Variants in MAPKAP1 observed in about 807,000 individuals in gnomAD.
MAPKAP1 encodes target of rapamycin complex 2 subunit MAPKAP1.
Under a neutral mutation model 65.7 loss-of-function variants are expected in MAPKAP1, and 20 were observed. The ratio of observed to expected loss-of-function variants is 0.30; its 90% CI spans 0.21 to 0.44. The LOEUF (loss-of-function observed/expected upper bound fraction) is 0.44, where lower values mean the gene tolerates loss of function less well. Among genes scored for constraint, MAPKAP1 ranks in the 20% least tolerant of loss-of-function variants. The pLI is 1.00. For synonymous variants in MAPKAP1, 222 were observed against 244.3 expected, an observed-to-expected ratio of 0.91 and a Z score of 0.85; for missense variants, 423 against 648.0, an observed-to-expected ratio of 0.65 and a Z score of 3.77.
chr9:125,473,554 T>C (rs1854002234), intron 9 of MAPKAP1, among the ~76,000 whole-genome samples: 1 of 152,228 alleles, frequency 6.6e-6, no homozygotes, highest in Admixed American at 6.5e-5. Flanking sequence ...AACGCAACTC[T>C]AATGTGTATA....
intron 9 of MAPKAP1, among the ~76,000 whole-genome samples, chr9:125,480,196 G>A (rs913959119): frequency 6.6e-6 from 1 of 152,152 alleles, no homozygotes; most frequent in African/African-American, 2.4e-5. Flanking sequence ...ATCTACGTGG[G>A]ATGGGAAAAT....
intron 10 of MAPKAP1, among the ~76,000 whole-genome samples, chr9:125,466,503 T>C (rs1853684020): frequency 6.6e-6 from 1 of 152,210 alleles, no homozygotes; most frequent in Non-Finnish European, 1.5e-5. Flanking sequence ...CTCAGAGACA[T>C]GGAGAATTTA....
intron 6 of MAPKAP1, among the ~76,000 whole-genome samples, chr9:125,549,800 G>A (rs550104354): frequency 7.2e-5 from 11 of 152,312 alleles, no homozygotes; most frequent in African/African-American, 2.6e-4. Context: ...GCCAGTAAGA[G>A]AGACAGCTAA....
intron 4 of MAPKAP1, chr9:125,652,275 T>A (rs1169163089): frequency 1.6e-6 from 2 of 1,217,624 alleles, no homozygotes; most frequent in Admixed American, 2.4e-5. Flanking sequence ...AAGAGCAGCA[T>A]GCAAAAATGT....
At chr9:125,666,367 G>A (rs1268820483) in intron 3 of MAPKAP1, among the ~76,000 whole-genome samples, 1 of 152,192 alleles carries the variant, frequency 6.6e-6, no homozygotes, top group Non-Finnish European at 1.5e-5. Context: ...ACTGGATGTT[G>A]ACAGAATAAT....
intron 10 of MAPKAP1, among the ~76,000 whole-genome samples, chr9:125,453,751 G>A (rs1446607432): frequency 6.6e-6 from 1 of 152,124 alleles, no homozygotes; most frequent in Non-Finnish European, 1.5e-5. Context: ...ACTGAGTTAT[G>A]CAGATTTTCC....
intron 4 of MAPKAP1, chr9:125,596,359 A>G: frequency 1.3e-6 from 1 of 787,368 alleles, no homozygotes; most frequent in South Asian, 1.3e-5. Flanking sequence ...GGTGGCAACC[A>G]TGGTGGTGGT....
chr9:125,460,078 T>G (rs1303521774), intron 10 of MAPKAP1, among the ~76,000 whole-genome samples: 1 of 152,176 alleles, frequency 6.6e-6, no homozygotes, highest in African/African-American at 2.4e-5. Context: ...ACACAGAATT[T>G]TTCAGTAGGG....
Position 125,657,801 on chromosome 9 carries a change from TG to T in MAPKAP1, c.350-3del. The T allele has an allele frequency of 1.9e-6, 3 of 1,611,800 alleles. No individual in the cohort carries two copies. Among genetic ancestry groups the T allele is most frequent in the Non-Finnish European group, 2.5e-6 (3 of 1,179,314 alleles). On this transcript the variant is annotated splice_polypyrimidine_tract_variant and splice_region_variant and intron_variant, in intron 3 of 11. Coordinates refer to ENST00000265960, the MANE Select transcript of MAPKAP1 (RefSeq NM_001006617.3). ...CAAACAGTGACTTTAACTCCTGGGC[TG>T]TGATACAAGAGGAAGAAAAACATCT...
chr9:125,504,376 C>T (rs897195719), intron 8 of MAPKAP1, among the ~76,000 whole-genome samples: 18 of 152,170 alleles, frequency 1.2e-4, no homozygotes, highest in African/African-American at 4.3e-4. Context: ...GGGACAGTAA[C>T]CTTCTGCCTT....
At chr9:125,479,139 T>C (rs893020118) in intron 9 of MAPKAP1, among the ~76,000 whole-genome samples, 6 of 152,204 alleles carry the variant, frequency 3.9e-5, no homozygotes, top group Admixed American at 3.3e-4. Flanking sequence ...CGCCAGCGCA[T>C]GCAAAGAGAA....
At chr9:125,459,854 G>GGGAGA (rs1853407772) in intron 10 of MAPKAP1, among the ~76,000 whole-genome samples, 5 of 127,356 alleles carry the variant, frequency 3.9e-5, no homozygotes, top group Non-Finnish European at 8.5e-5. Flanking sequence ...GGGAGACCGT[G>GGGAGA]GGGAGAGGGA....
chr9:125,513,785 G>T (rs148865854), intron 7 of MAPKAP1, among the ~76,000 whole-genome samples: 221 of 152,286 alleles, frequency 1.5e-3, no homozygotes, highest in Non-Finnish European at 2.8e-3. Flanking sequence ...GCACACCGGG[G>T]CAGGGAATGC....
intron 6 of MAPKAP1, among the ~76,000 whole-genome samples, chr9:125,553,244 A>G (rs528420966): frequency 8.5e-5 from 13 of 152,324 alleles, no homozygotes; most frequent in Admixed American, 5.9e-4. Context: ...TGAACAAGAA[A>G]TAAAATTATT....
At chr9:125,562,894 C>G (rs1003641526) in intron 5 of MAPKAP1, among the ~76,000 whole-genome samples, 18 of 152,228 alleles carry the variant, frequency 1.2e-4, no homozygotes, top group African/African-American at 4.1e-4. Flanking sequence ...AGCTGTCCCT[C>G]TTGACCCCCA....
intron 7 of MAPKAP1, among the ~76,000 whole-genome samples, chr9:125,522,003 T>A (rs910245725): frequency 6.6e-6 from 1 of 152,238 alleles, no homozygotes; most frequent in East Asian, 1.9e-4. Flanking sequence ...CTTCCTCTGT[T>A]AAATGCGGAT....
chr9:125,627,706 A>G (rs1163471953), intron 4 of MAPKAP1, among the ~76,000 whole-genome samples: 2 of 152,122 alleles, frequency 1.3e-5, no homozygotes, highest in African/African-American at 2.4e-5. Context: ...CTTGAATGGC[A>G]TAATTCCTTA....
At chr9:125,543,037 G>C in intron 7 of MAPKAP1, 22 bp downstream of exon 7, 1 of 1,476,638 alleles carries the variant, frequency 6.8e-7, no homozygotes, top group Non-Finnish European at 9.5e-7. Flanking sequence ...ACTACTGTGA[G>C]AATATGATTT....
chr9:125,490,153 C>T (rs1854645795), intron 8 of MAPKAP1, among the ~76,000 whole-genome samples: 1 of 152,052 alleles, frequency 6.6e-6, no homozygotes, highest in Admixed American at 6.6e-5. Flanking sequence ...TCCCAAGTCC[C>T]CTTCAGGGTC....
Sources: allele counts gnomAD v4.1 joint callset (sites outside exome capture counted in the v4.1 genomes callset), GRCh38; gene constraint gnomAD v4.1.1; transcripts MANE v1.5; gene names NCBI Gene and HGNC (gene_info 2026-07-23, HGNC 2026-07-21).